Variants in DOCK1 observed in about 807,000 individuals in gnomAD.
DOCK1 encodes dedicator of cytokinesis protein 1.
In DOCK1, 138 loss-of-function variants were observed where a neutral mutation model predicts 262.7. That is an observed-to-expected ratio of 0.53 (90% confidence interval 0.46 to 0.61). The LOEUF is 0.61. Ranked by LOEUF, DOCK1 falls within the 20% of genes least tolerant of loss-of-function variation. The probability of loss-of-function intolerance (pLI) is 0.00; values close to 1 mark genes in which losing one functional copy is unlikely to be tolerated. For synonymous variants in DOCK1, 866 were observed against 867.4 expected, an observed-to-expected ratio of 1.00 and a Z score of 0.03; for missense variants, 1,908 against 2,370.7, an observed-to-expected ratio of 0.80 and a Z score of 4.05.
intron 29 of DOCK1, among the ~76,000 whole-genome samples, chr10:127,265,869 G>A (rs757868043): frequency 5.3e-5 from 8 of 152,266 alleles, no homozygotes; most frequent in Non-Finnish European, 7.3e-5. Context: ...GGAGATGCCA[G>A]TTCCTTAAGG....
chr10:127,265,581 C>T lies in DOCK1; in HGVS notation c.3044+8152C>T, dbSNP rs117031744. Among the ~76,000 whole-genome samples the T allele has an allele frequency of 3.2e-4, 49 of 152,316 alleles. 1 individual carries two copies. The East Asian group carries it at 7.5e-3, about 23-fold the overall frequency. On this transcript the variant is annotated intron_variant, in intron 29 of 51. Transcript: ENST00000623213. Reference sequence around the variant, plus strand: ...GGAAGTGTTTTCCTCAATCCATTGACGTAGCATATTACATTTTCACCAGCC... The same window carrying T: ...GGAAGTGTTTTCCTCAATCCATTGATGTAGCATATTACATTTTCACCAGCC...
Position 127,175,289 on chromosome 10 carries a change from G to T in DOCK1, c.2847+47525G>T, listed in dbSNP as rs201148066. Reference sequence around the variant, plus strand: ...CTTTGATGGTTTCTTGGCTTGAACTGATCAAGTTCTCCATCATCTGAAGTT... The same window carrying T: ...CTTTGATGGTTTCTTGGCTTGAACTTATCAAGTTCTCCATCATCTGAAGTT... On this transcript the variant is annotated intron_variant, in intron 27 of 51. Coordinates refer to ENST00000623213, the MANE Select transcript of DOCK1 (RefSeq NM_001290223.2). The surrounding 1 kb of genome is among the most constrained non-coding windows in gnomAD (Gnocchi z 6.3). 1.3e-4 allele frequency: 208 copies of T among 1,613,956 alleles called. No homozygotes were observed. Among genetic ancestry groups the T allele is most frequent in the Admixed American group, 4.7e-4 (28 of 59,990 alleles).
rs2055078724 is a variant in DOCK1, at chr10:127,175,914, G to A, written c.2847+48150G>A. 2 of 1,614,096 alleles carry A rather than the reference G, an allele frequency of 1.2e-6. No homozygotes were observed. The highest frequency in any genetic ancestry group is 1.3e-5 in the African/African-American group (1 of 74,934). On this transcript the variant is annotated intron_variant, in intron 27 of 51. Transcript: ENST00000623213. The surrounding 1 kb of genome is among the most constrained non-coding windows in gnomAD (Gnocchi z 6.3). Reference sequence around the variant, plus strand: ...CTTGTGCACCCGCCCCGCGCCACATGGCCGGGCCTCCTCCATGGGTCCAGC... The same window carrying A: ...CTTGTGCACCCGCCCCGCGCCACATAGCCGGGCCTCCTCCATGGGTCCAGC...
At chr10:126,997,916 T>G in intron 7 of DOCK1, 176 bp from the exon 8 acceptor site, 1 of 765,022 alleles carries the variant, frequency 1.3e-6, no homozygotes, top group Non-Finnish European at 2.0e-6. Flanking sequence ...TTTTTGTCTG[T>G]TGTGTGAATG....
At chr10:127,073,800 C>T (rs2046365288) in intron 23 of DOCK1, among the ~76,000 whole-genome samples, 1 of 152,188 alleles carries the variant, frequency 6.6e-6, no homozygotes, top group Admixed American at 6.5e-5. Flanking sequence ...TGAGAGGACT[C>T]ACAGGAAGGC....
intron 32 of DOCK1, among the ~76,000 whole-genome samples, 171 bp from the exon 33 acceptor site, chr10:127,361,884 TCTTATACTA>T (rs1449876028): frequency 1.3e-5 from 2 of 152,224 alleles, no homozygotes; most frequent in Non-Finnish European, 2.9e-5. Context: ...ACAGGCCACT[TCTTATACTA>T]ATGGCTGGGA....
chr10:127,098,509 A>G (rs567321463), intron 23 of DOCK1, among the ~76,000 whole-genome samples: 3 of 152,168 alleles, frequency 2.0e-5, no homozygotes, highest in Admixed American at 6.5e-5. Flanking sequence ...CACATGCACA[A>G]CACGTCATTC....
At chr10:127,010,718 G>A (rs1398088531) in intron 11 of DOCK1, among the ~76,000 whole-genome samples, 2 of 152,214 alleles carry the variant, frequency 1.3e-5, no homozygotes, top group Non-Finnish European at 1.5e-5. Context: ...AAGGGGAACA[G>A]TATCATGGAA....
chr10:127,381,246 T>G (rs1343266218), intron 36 of DOCK1, 32 bp from the exon 37 acceptor site: 2 of 1,575,014 alleles, frequency 1.3e-6, no homozygotes. Flanking sequence ...TTAGTGACAT[T>G]TTAAGAACAT....
chr10:126,967,498 C>T (rs932118751), intron 1 of DOCK1, among the ~76,000 whole-genome samples: 1 of 152,050 alleles, frequency 6.6e-6, no homozygotes, highest in Non-Finnish European at 1.5e-5. Context: ...TTTTCACACA[C>T]CTCCTTGTAC....
At chr10:126,997,362 A>G (rs1401312483) in intron 7 of DOCK1, among the ~76,000 whole-genome samples, 1 of 152,250 alleles carries the variant, frequency 6.6e-6, no homozygotes, top group East Asian at 1.9e-4. Context: ...TAATTGGTTC[A>G]TGGTTCTGCA....
chr10:127,406,447 G>A lies in DOCK1; in HGVS notation c.4122+2018G>A, dbSNP rs185879972. Among the ~76,000 whole-genome samples, 6 of 152,210 alleles carry A rather than the reference G, an allele frequency of 3.9e-5. No individual in the cohort carries two copies. In the East Asian group the frequency reaches 1.2e-3, roughly 29 times the overall value. ...CGATTAATATTGAACTGACTTTCCC[G>A]CCACACCTGGATCATTCTGTGGGTC... On this transcript the variant is annotated intron_variant, in intron 40 of 51. Coordinates refer to ENST00000623213, the MANE Select transcript of DOCK1 (RefSeq NM_001290223.2).
intron 27 of DOCK1, among the ~76,000 whole-genome samples, chr10:127,230,077 C>T (rs2058785089): frequency 6.6e-6 from 1 of 152,178 alleles, no homozygotes; most frequent in Non-Finnish European, 1.5e-5. Context: ...CTAAATATGT[C>T]TGTCCATTTC....
chr10:127,396,253 G>A (rs1352243448), intron 38 of DOCK1, among the ~76,000 whole-genome samples: 1 of 148,322 alleles, frequency 6.7e-6, no homozygotes, highest in African/African-American at 2.5e-5. Context: ...TGGGTGCATA[G>A]AGAGTCCTGG....
At chr10:126,993,181 C>T (rs909649015) in intron 6 of DOCK1, among the ~76,000 whole-genome samples, 5 of 152,356 alleles carry the variant, frequency 3.3e-5, no homozygotes, top group East Asian at 1.9e-4. Flanking sequence ...TGTGGCAGGA[C>T]GTGCACAGCA....
intron 16 of DOCK1, among the ~76,000 whole-genome samples, chr10:127,027,805 G>C (rs1591726828): frequency 6.6e-6 from 1 of 151,948 alleles, no homozygotes; most frequent in Non-Finnish European, 1.5e-5. Flanking sequence ...GCCTGGACAG[G>C]GGGGCTGCAG....
chr10:127,381,256 T>C (rs1296903569), intron 36 of DOCK1, 22 bp from the exon 37 acceptor site: 13 of 1,591,690 alleles, frequency 8.2e-6, no homozygotes, highest in Non-Finnish European at 1.1e-5. Flanking sequence ...TTTAAGAACA[T>C]ACCTCTGTTT....
chr10:127,137,932 A>G lies in DOCK1; in HGVS notation c.2847+10168A>G, dbSNP rs1225955292. On this transcript the variant is annotated intron_variant, in intron 27 of 51. Coordinates refer to ENST00000623213, the MANE Select transcript of DOCK1 (RefSeq NM_001290223.2). ...GAGTAAGTCTCCTGAGAGTAAGGCG[A>G]AGGTATGACCTGAGTTTCCTCAATA... is the stretch of plus-strand genomic sequence containing the variant. 6.2e-7 allele frequency: 1 copy of G among 1,614,048 alleles called. No homozygotes were observed. Among genetic ancestry groups the G allele is most frequent in the African/African-American group, 1.3e-5 (1 of 74,916 alleles).
rs1422387145 is a variant in DOCK1, at chr10:127,252,112, T to G, written c.2949+4003T>G. 3.4e-5 allele frequency among the ~76,000 whole-genome samples: 5 copies of G among 148,018 alleles called. No individual in the cohort carries two copies. The East Asian group carries it at 6.1e-4, about 18-fold the overall frequency. Reference sequence around the variant, plus strand: ...GTGAGATGGTATCTCATTGTGGTTTTGATTTGCATTTCTCTGATGGCCAGT... The same window carrying G: ...GTGAGATGGTATCTCATTGTGGTTTGGATTTGCATTTCTCTGATGGCCAGT... On this transcript the variant is annotated intron_variant, in intron 28 of 51. Coordinates refer to ENST00000623213, the MANE Select transcript of DOCK1 (RefSeq NM_001290223.2).
Sources: gnomAD v4.1 joint callset for allele counts (sites outside exome capture counted in the v4.1 genomes callset) on GRCh38, gnomAD v4.1.1 for gene constraint, Gnocchi (gnomAD v3.1) non-coding constraint, MANE v1.5 for transcripts, NCBI Gene and HGNC (gene_info 2026-07-23, HGNC 2026-07-21) for gene names.